SH3BP4: variants seen among roughly 807,000 people sequenced by gnomAD.
SH3BP4 encodes the protein SH3 domain binding protein 4.
A neutral mutation model predicts 65.5 loss-of-function variants in SH3BP4; 33 were observed. The ratio of observed to expected loss-of-function variants is 0.50; its 90% CI spans 0.38 to 0.67. The LOEUF is 0.67. Ranked by LOEUF, SH3BP4 falls within the 30% of genes least tolerant of loss-of-function variation. SH3BP4 has a pLI of 0.00. For missense variants in SH3BP4, 1,134 were observed against 1,261.4 expected (o/e 0.90, Z 1.53); for synonymous variants, 552 against 545.5 (o/e 1.01, Z -0.17).
intron 1 of SH3BP4, chr2:234,983,278 C>T (rs1021222701): frequency 6.6e-6 from 1 of 152,260 alleles, no homozygotes; most frequent in Non-Finnish European, 1.5e-5. Flanking sequence ...CCCGTCTGTC[C>T]ACCTGCATTG....
At chr2:234,983,505 TTTTG>T (rs1693454906) in intron 1 of SH3BP4, among the ~76,000 whole-genome samples, 1 of 152,158 alleles carries the variant, frequency 6.6e-6, no homozygotes, top group South Asian at 2.1e-4. Context: ...GTGCTTGTGT[TTTTG>T]ATACGGTGTG....
chr2:234,985,863 T>C lies in SH3BP4; in HGVS notation c.-206-9440T>C, dbSNP rs1163179633. ...GGTGAACCAGCCCTGGATACACGCC[T>C]ATGAGCTCAGGGTCCATGTGCAGGT... On this transcript the variant is annotated intron_variant, in intron 1 of 5. Coordinates refer to ENST00000392011, the MANE Select transcript of SH3BP4 (RefSeq NM_014521.3). 2.0e-5 allele frequency among the ~76,000 whole-genome samples: 3 copies of C among 151,286 alleles called. No individual in the cohort carries two copies. In the East Asian group the frequency reaches 5.8e-4, roughly 29 times the overall value.
At position 234,997,984 on chromosome 2, in the gene SH3BP4, G is replaced by A. The variant is rs913240464; in HGVS notation, c.-133+2608G>A. On this transcript the variant is annotated intron_variant, in intron 2 of 5. Transcript: ENST00000392011. The surrounding 1 kb of genome is among the most constrained non-coding windows in gnomAD (Gnocchi z 4.2). ...AAAAATACAAAAAAATTAGCCGGGCGTGGTGGTGGGCGCCTATAGTCCCAG... is the reference window on the plus strand; with the variant it reads ...AAAAATACAAAAAAATTAGCCGGGCATGGTGGTGGGCGCCTATAGTCCCAG... 6.6e-6 allele frequency among the ~76,000 whole-genome samples: 1 copy of A among 152,060 alleles called. No individual in the cohort carries two copies. Among genetic ancestry groups the A allele is most frequent in the African/African-American group, 2.4e-5 (1 of 41,402 alleles).
chr2:235,023,729 AT>A (rs573492282), intron 2 of SH3BP4, among the ~76,000 whole-genome samples: 1 of 152,172 alleles, frequency 6.6e-6, no homozygotes, highest in African/African-American at 2.4e-5. Context: ...TATAAAAGGT[AT>A]TTTTTTGAAA....
At chr2:235,040,344 T>A (rs1695591791) in intron 3 of SH3BP4, among the ~76,000 whole-genome samples, 1 of 152,058 alleles carries the variant, frequency 6.6e-6, no homozygotes, top group Non-Finnish European at 1.5e-5. Context: ...CAGGTTGAGT[T>A]TGGAAATTTA....
At chr2:235,022,999 A>G (rs750954357) in intron 2 of SH3BP4, among the ~76,000 whole-genome samples, 1 of 152,086 alleles carries the variant, frequency 6.6e-6, no homozygotes, top group Admixed American at 6.6e-5. Flanking sequence ...TACTTAGTGG[A>G]GTAATAAGGC....
intron 2 of SH3BP4, among the ~76,000 whole-genome samples, chr2:235,016,077 C>T (rs1694676820): frequency 6.9e-6 from 1 of 145,318 alleles, no homozygotes; most frequent in Admixed American, 7.2e-5. Context: ...GTTGCTTCCC[C>T]ACCCAGGGAT....
rs934102627 is a variant in SH3BP4, at chr2:234,997,575, C to A, written c.-133+2199C>A. 6.6e-6 allele frequency among the ~76,000 whole-genome samples: 1 copy of A among 152,142 alleles called. No individual in the cohort carries two copies. The highest frequency in any genetic ancestry group is 1.5e-5 in the Non-Finnish European group (1 of 68,026). On this transcript the variant is annotated intron_variant, in intron 2 of 5. Transcript: ENST00000392011. The surrounding 1 kb of genome is among the most constrained non-coding windows in gnomAD (Gnocchi z 4.2). ...AGCAGAGCACGGCCGATTGCTCCTC[C>A]GGGGAGTGTCAGCTAGGGGACGGAG...
intron 1 of SH3BP4, among the ~76,000 whole-genome samples, chr2:234,965,541 G>T (rs1692814509): frequency 6.6e-6 from 1 of 152,244 alleles, no homozygotes; most frequent in Admixed American, 6.5e-5. Flanking sequence ...AACTGGCTCA[G>T]AGGAAAACCA....
chr2:235,000,782 G>T (rs763706584), intron 2 of SH3BP4, among the ~76,000 whole-genome samples: 19 of 152,206 alleles, frequency 1.2e-4, no homozygotes, highest in Non-Finnish European at 2.1e-4. Flanking sequence ...CTTGTGCCGG[G>T]TCCTACCCGC....
chr2:235,038,301 A>ATAATATATATAT (rs1695475785), intron 3 of SH3BP4, among the ~76,000 whole-genome samples: 1 of 12,008 alleles, frequency 8.3e-5, no homozygotes, highest in Non-Finnish European at 1.2e-4. Flanking sequence ...TATATATATT[A>ATAATATATATAT]TATATATATA....
At chr2:235,010,253 C>T (rs1164965507) in intron 2 of SH3BP4, among the ~76,000 whole-genome samples, 1 of 152,196 alleles carries the variant, frequency 6.6e-6, no homozygotes, top group Non-Finnish European at 1.5e-5. Flanking sequence ...CCCCTTTGCT[C>T]TGTCCCTGGG....
Position 235,045,455 on chromosome 2 carries a change from G to T in SH3BP4, c.2478+2208G>T, listed in dbSNP as rs571335902. ...ATCTCTGGGAGGGGATTTTTTGGTG[G>T]GCCTCCCTGTCCGCTCCAGGGAGGG... On this transcript the variant is annotated intron_variant, in intron 4 of 5. Transcript: ENST00000392011. The surrounding 1 kb of genome is among the most constrained non-coding windows in gnomAD (Gnocchi z 4.3). Among the ~76,000 whole-genome samples, 1 of 151,964 alleles carries T rather than the reference G, an allele frequency of 6.6e-6. No individual in the cohort carries two copies. Among genetic ancestry groups the T allele is most frequent in the Non-Finnish European group, 1.5e-5 (1 of 67,976 alleles).
At chr2:235,028,580 G>T (rs1419008110) in intron 2 of SH3BP4, among the ~76,000 whole-genome samples, 5 of 152,216 alleles carry the variant, frequency 3.3e-5, no homozygotes, top group Admixed American at 3.3e-4. Flanking sequence ...ATTCGGGTTT[G>T]AGAGCCAACC....
Position 235,032,159 on chromosome 2 carries a change from G to A in SH3BP4, c.-132-2712G>A, listed in dbSNP as rs562638290. Among the ~76,000 whole-genome samples, 16 of 152,304 alleles carry A rather than the reference G, an allele frequency of 1.1e-4. No homozygotes were observed. The East Asian group carries it at 2.5e-3, about 24-fold the overall frequency. ...GCCACTGTGACCCAGAGCCTCACCCGGCGCAGTCCTCGGAGTAGCTCTGGA... is the reference window on the plus strand; with the variant it reads ...GCCACTGTGACCCAGAGCCTCACCCAGCGCAGTCCTCGGAGTAGCTCTGGA... On this transcript the variant is annotated intron_variant, in intron 2 of 5. Coordinates refer to ENST00000392011, the MANE Select transcript of SH3BP4 (RefSeq NM_014521.3).
In SH3BP4 at chr2:234,968,349, A is replaced by G. The variant is rs375083578; in HGVS notation, c.-207+16179A>G. Reference sequence around the variant, plus strand: ...TTGGGGTGTTCTCCGTGTACCTTCTAAGGAGTCTTTAACTCAACAGAGTTG... The same window carrying G: ...TTGGGGTGTTCTCCGTGTACCTTCTGAGGAGTCTTTAACTCAACAGAGTTG... On this transcript the variant is annotated intron_variant, in intron 1 of 5. Transcript: ENST00000392011. 5.7e-4 allele frequency among the ~76,000 whole-genome samples: 86 copies of G among 150,582 alleles called. 1 individual carries two copies. In the South Asian group the frequency reaches 9.8e-3, roughly 17 times the overall value.
chr2:235,015,661 A>G (rs964556134), intron 2 of SH3BP4, among the ~76,000 whole-genome samples: 1 of 152,186 alleles, frequency 6.6e-6, no homozygotes, highest in Non-Finnish European at 1.5e-5. Context: ...GGGTAGAGGA[A>G]GGTTGGGAAG....
At position 235,052,621 on chromosome 2, in the gene SH3BP4, C is replaced by T. The variant is rs950098983; in HGVS notation, c.2538C>T (p.Leu846=). Residue 846 remains leucine, a synonymous_variant, in exon 5 of 6, where the codon CTC becomes CTT. Transcript: ENST00000392011. The surrounding 1 kb of genome is among the most constrained non-coding windows in gnomAD (Gnocchi z 5.0). ...TCAGACTCATCCAGGACTTTGTGCTCCTGACCACGGCTGTAGAGGTGGCCC... is the reference window on the plus strand; with the variant it reads ...TCAGACTCATCCAGGACTTTGTGCTTCTGACCACGGCTGTAGAGGTGGCCC... ...LVVRLIQDFV[L]LTTAVEVAQR... is the part of the protein sequence containing the mutation. The T allele has an allele frequency of 6.4e-7, 1 of 1,564,912 alleles. No individual in the cohort carries two copies. The highest frequency in any genetic ancestry group is 1.4e-5 in the African/African-American group (1 of 73,604).
chr2:234,960,885 C>T (rs1195884533), intron 1 of SH3BP4, among the ~76,000 whole-genome samples: 1 of 152,166 alleles, frequency 6.6e-6, no homozygotes, highest in Non-Finnish European at 1.5e-5. Flanking sequence ...TCATGTTCTT[C>T]TTACATTGTT....
Sources: gnomAD v4.1 joint callset for allele counts (sites outside exome capture counted in the v4.1 genomes callset) on GRCh38, gnomAD v4.1.1 for gene constraint, Gnocchi (gnomAD v3.1) non-coding constraint, MANE v1.5 for transcripts, NCBI Gene and HGNC (gene_info 2026-07-23, HGNC 2026-07-21) for gene names.